The following WNK3 variants were observed in gnomAD, a reference collection of about 807,000 sequenced individuals.
The protein encoded by WNK3 is WNK lysine deficient protein kinase 3.
A neutral mutation model predicts 116.7 loss-of-function variants in WNK3; 18 were observed. The observed-to-expected ratio is 0.15, with a 90% CI of 0.11 to 0.23. The LOEUF (loss-of-function observed/expected upper bound fraction) is 0.23. Ranked by LOEUF, WNK3 falls within the 10% of genes least tolerant of loss-of-function variation. The pLI is 1.00. For synonymous variants in WNK3, 404 were observed against 469.4 expected (o/e 0.86, Z 1.80); for missense variants, 993 against 1,323.8 (o/e 0.75, Z 3.88).
chrX:54,230,237 A>C lies in WNK3; in HGVS notation c.4841-1494T>G, dbSNP rs782325222. ...TGTTGCCTTTGGGATAAACTGAGTA[A>C]AGGATACATAGGTACATAGCATCTC... On this transcript the variant is annotated intron_variant, in intron 21 of 23. Coordinates refer to ENST00000354646, the Ensembl canonical transcript of WNK3. Among the ~76,000 whole-genome samples, 5 of 111,823 alleles carry C rather than the reference A, an allele frequency of 4.5e-5. No individual in the cohort carries two copies. The South Asian group carries it at 1.8e-3, about 41-fold the overall frequency.
chrX:54,316,399 G>GCC (rs2068956303), intron 2 of WNK3, among the ~76,000 whole-genome samples: 1 of 109,591 alleles, frequency 9.1e-6, no homozygotes, highest in African/African-American at 3.3e-5. Context: ...AAGTAGCCAG[G>GCC]CGTGGTGGCA....
At chrX:54,228,089 CA>C (rs1557148234) in intron 22 of WNK3, among the ~76,000 whole-genome samples, 1 of 110,599 alleles carries the variant, frequency 9.0e-6, no homozygotes, top group Non-Finnish European at 1.9e-5. Context: ...CTTTGTTGCC[CA>C]GGCTGGTCTC....
chrX:54,222,917 T>TAA (rs1398375135), intron 22 of WNK3, among the ~76,000 whole-genome samples: 2 of 81,178 alleles, frequency 2.5e-5, no homozygotes, highest in African/African-American at 9.8e-5. Flanking sequence ...ATAATAATAA[T>TAA]ATATATATAT....
intron 22 of WNK3, among the ~76,000 whole-genome samples, chrX:54,215,380 C>G (rs190867167): frequency 1.1e-3 from 126 of 112,231 alleles, no homozygotes; most frequent in African/African-American, 4.0e-3. Context: ...TTGGTGGAGA[C>G]GGGTTTCCCC....
At chrX:54,312,411 C>T (rs782254838) in intron 2 of WNK3, among the ~76,000 whole-genome samples, 30 of 111,286 alleles carry the variant, frequency 2.7e-4, no homozygotes, top group Non-Finnish European at 5.5e-4. Flanking sequence ...TTCTTTTATT[C>T]TCTTTCATAG....
At chrX:54,317,671 G>A (rs974018822) in intron 2 of WNK3, among the ~76,000 whole-genome samples, 1 of 106,022 alleles carries the variant, frequency 9.4e-6, no homozygotes, top group African/African-American at 3.5e-5. Context: ...TCGCTCTGTC[G>A]CCCAGGCTGG....
At chrX:54,222,941 A>ATATATATATATATATATAT (rs59332285) in intron 22 of WNK3, among the ~76,000 whole-genome samples, 13 of 84,071 alleles carry the variant, frequency 1.5e-4, no homozygotes, top group African/African-American at 8.3e-4. Context: ...TATATATATA[A>ATATATATATATATATATAT]AAAAAGACAC....
intron 2 of WNK3, among the ~76,000 whole-genome samples, chrX:54,312,219 G>A (rs1254208365): frequency 1.8e-5 from 2 of 109,918 alleles, no homozygotes; most frequent in Admixed American, 9.8e-5. Flanking sequence ...CTAACTACTC[G>A]AGAGGGTAAG....
intron 10 of WNK3, among the ~76,000 whole-genome samples, chrX:54,268,080 GCACACACACACACA>G (rs57010526): frequency 2.6e-3 from 208 of 80,802 alleles, no homozygotes; most frequent in African/African-American, 7.6e-3. Context: ...CTGAATGCGT[GCACACACACACACA>G]CACACACACA....
chrX:54,243,346 G>C (rs969357646), intron 17 of WNK3, among the ~76,000 whole-genome samples: 1 of 104,812 alleles, frequency 9.5e-6, no homozygotes, highest in African/African-American at 3.5e-5. Context: ...GCGTGAACCC[G>C]GGAGGCGGAG....
At chrX:54,283,535 C>T (rs113767455) in intron 10 of WNK3, among the ~76,000 whole-genome samples, 7 of 110,494 alleles carry the variant, frequency 6.3e-5, no homozygotes, top group Middle Eastern at 4.6e-3. Flanking sequence ...TTTGGGAGGC[C>T]GAGGCGGGTG....
At chrX:54,209,421 TAAAA>T (rs1473251288) in intron 22 of WNK3, among the ~76,000 whole-genome samples, 1 of 34,355 alleles carries the variant, frequency 2.9e-5, no homozygotes, top group African/African-American at 1.2e-4. Flanking sequence ...AGACTCTGTC[TAAAA>T]AATAAATAAA....
Position 54,307,437 on chromosome X carries a change from C to T in WNK3, c.1089+485G>A, listed in dbSNP as rs1446504302. Among the ~76,000 whole-genome samples the T allele has an allele frequency of 2.7e-5, 3 of 110,485 alleles. No individual in the cohort carries two copies. The East Asian group carries it at 8.5e-4, about 31-fold the overall frequency. On this transcript the variant is annotated intron_variant, in intron 5 of 23. Coordinates refer to ENST00000354646, the Ensembl canonical transcript of WNK3. ...TAGTCATTTGTGAATTTATATTATT[C>T]CCTTATTAGAAATGTAAGCTCTTTA... is the stretch of plus-strand genomic sequence containing the variant.
chrX:54,350,964 C>T (rs1338689059), intron 1 of WNK3, among the ~76,000 whole-genome samples: 1 of 109,960 alleles, frequency 9.1e-6, no homozygotes, highest in East Asian at 2.8e-4. Flanking sequence ...AGTTGTAGTA[C>T]AACATGTATA....
At chrX:54,262,644 A>C in intron 10 of WNK3, among the ~76,000 whole-genome samples, 1 of 111,122 alleles carries the variant, frequency 9.0e-6, no homozygotes, top group Middle Eastern at 4.6e-3. Flanking sequence ...CTGGAGTCAA[A>C]CATTAAACAT....
At chrX:54,285,268 C>T (rs782772547) in intron 10 of WNK3, among the ~76,000 whole-genome samples, 2 of 110,772 alleles carry the variant, frequency 1.8e-5, no homozygotes, top group African/African-American at 6.6e-5. Flanking sequence ...CTTAGCCAGG[C>T]GGAGTGGTGC....
intron 21 of WNK3, among the ~76,000 whole-genome samples, chrX:54,230,509 T>C (rs1408362189): frequency 8.9e-6 from 1 of 112,061 alleles, no homozygotes; most frequent in African/African-American, 3.2e-5. Flanking sequence ...AAAAGAATGC[T>C]AGTAATACCA....
chrX:54,242,088 T>C (rs1557151712), intron 17 of WNK3, among the ~76,000 whole-genome samples: 1 of 111,647 alleles, frequency 9.0e-6, no homozygotes, highest in Non-Finnish European at 1.9e-5. Context: ...TTGGAGCTAA[T>C]AAACAAACTC....
At chrX:54,305,948 G>A (rs557098306) in intron 5 of WNK3, among the ~76,000 whole-genome samples, 2 of 110,286 alleles carry the variant, frequency 1.8e-5, no homozygotes, top group South Asian at 7.9e-4. Flanking sequence ...CCAGCTACTC[G>A]GGAGGCTGAG....
Sources: gnomAD v4.1 joint callset for allele counts (sites outside exome capture counted in the v4.1 genomes callset) on GRCh38, gnomAD v4.1.1 for gene constraint, MANE v1.5 for transcripts, NCBI Gene and HGNC (gene_info 2026-07-23, HGNC 2026-07-21) for gene names.